UTRN: variants seen among roughly 807,000 people sequenced by gnomAD.
UTRN encodes the protein utrophin, also known as dystrophin-related protein 1.
In UTRN, 283 loss-of-function variants were observed where a neutral mutation model predicts 463.9. The observed-to-expected ratio is 0.61, with a 90% CI of 0.55 to 0.67. The LOEUF is 0.67. Ranked by LOEUF, UTRN falls within the 30% of genes least tolerant of loss-of-function variation. UTRN has a pLI of 0.00. For synonymous variants in UTRN, 1,442 were observed against 1,431.5 expected (o/e 1.01, Z -0.17); for missense variants, 3,922 against 4,084.3 (o/e 0.96, Z 1.08).
At chr6:144,476,648 G>A (rs1312116142) in intron 25 of UTRN, among the ~76,000 whole-genome samples, 1 of 152,158 alleles carries the variant, frequency 6.6e-6, no homozygotes, top group Admixed American at 6.5e-5. Flanking sequence ...GGGGAATGTG[G>A]GGTCCCAAAT....
chr6:144,319,903 G>T (rs1775525378), intron 2 of UTRN, among the ~76,000 whole-genome samples: 1 of 151,080 alleles, frequency 6.6e-6, no homozygotes, highest in South Asian at 2.1e-4. Context: ...ACCCAAGCTG[G>T]AGTGTAATGG....
At chr6:144,324,970 A>G (rs1263142416) in intron 2 of UTRN, among the ~76,000 whole-genome samples, 1 of 152,230 alleles carries the variant, frequency 6.6e-6, no homozygotes, top group Non-Finnish European at 1.5e-5. Flanking sequence ...ATCTTTAAAC[A>G]GCACACTTTG....
intron 51 of UTRN, among the ~76,000 whole-genome samples, chr6:144,632,669 A>G (rs894425264): frequency 6.6e-6 from 1 of 152,152 alleles, no homozygotes; most frequent in Non-Finnish European, 1.5e-5. Context: ...TTGTTTTCAC[A>G]AATGTTAGAA....
intron 57 of UTRN, among the ~76,000 whole-genome samples, chr6:144,755,123 C>T (rs1049372422): frequency 6.6e-6 from 1 of 152,002 alleles, no homozygotes; most frequent in African/African-American, 2.4e-5. Flanking sequence ...ATAAAGAAAT[C>T]AGTTTTATCT....
chr6:144,394,860 T>G (rs1427223526), intron 2 of UTRN, among the ~76,000 whole-genome samples: 1 of 152,154 alleles, frequency 6.6e-6, no homozygotes, highest in East Asian at 1.9e-4. Flanking sequence ...AAATATTATT[T>G]GAATAATTAG....
chr6:144,385,748 G>T (rs1180579245), intron 2 of UTRN, among the ~76,000 whole-genome samples: 1 of 147,610 alleles, frequency 6.8e-6, no homozygotes, highest in Non-Finnish European at 1.5e-5. Flanking sequence ...TTGCTCTTTC[G>T]CTCAGGCTTG....
At chr6:144,635,944 T>A (rs1777127378) in intron 51 of UTRN, among the ~76,000 whole-genome samples, 1 of 152,040 alleles carries the variant, frequency 6.6e-6, no homozygotes, top group African/African-American at 2.4e-5. Context: ...AAATTATTAT[T>A]TTTTTTAAAT....
chr6:144,621,277 A>G (rs1775348923), intron 51 of UTRN, among the ~76,000 whole-genome samples: 1 of 152,234 alleles, frequency 6.6e-6, no homozygotes, highest in African/African-American at 2.4e-5. Context: ...GAACCATTTT[A>G]GAGAACGATA....
chr6:144,706,834 A>C (rs1785148844), intron 53 of UTRN: 2 of 152,174 alleles, frequency 1.3e-5, no homozygotes, highest in Admixed American at 1.3e-4. Flanking sequence ...TCTCCACTAC[A>C]ATCCAGGTAA....
chr6:144,594,444 T>C (rs1585455629), intron 51 of UTRN, among the ~76,000 whole-genome samples: 1 of 152,344 alleles, frequency 6.6e-6, no homozygotes, highest in South Asian at 2.1e-4. Context: ...CCTTCTGAAT[T>C]GTAAACTCTT....
intron 51 of UTRN, among the ~76,000 whole-genome samples, chr6:144,582,470 A>G (rs1802056897): frequency 6.6e-6 from 1 of 152,064 alleles, no homozygotes; most frequent in African/African-American, 2.4e-5. Context: ...AAGTGTGTGT[A>G]TATATATACA....
chr6:144,517,736 G>C (rs547556788), intron 39 of UTRN, among the ~76,000 whole-genome samples: 1 of 152,002 alleles, frequency 6.6e-6, no homozygotes, highest in Non-Finnish European at 1.5e-5. Flanking sequence ...GTACAATAAC[G>C]TGCTGTAAAG....
chr6:144,739,492 T>C (rs1278790116), intron 54 of UTRN, among the ~76,000 whole-genome samples: 1 of 152,224 alleles, frequency 6.6e-6, no homozygotes, highest in Non-Finnish European at 1.5e-5. Flanking sequence ...GTAAAACTAA[T>C]GGGTGTTTTC....
At chr6:144,699,933 T>C (rs1053458476) in intron 52 of UTRN, among the ~76,000 whole-genome samples, 154 bp from the exon 53 acceptor site, 1 of 147,000 alleles carries the variant, frequency 6.8e-6, no homozygotes, top group Non-Finnish European at 1.5e-5. Context: ...TATAAATACA[T>C]ATATATATGT....
At chr6:144,323,935 A>T (rs1469193052) in intron 2 of UTRN, among the ~76,000 whole-genome samples, 1 of 152,198 alleles carries the variant, frequency 6.6e-6, no homozygotes, top group African/African-American at 2.4e-5. Context: ...TCAGAGGTGA[A>T]GTTCTTTCTG....
chr6:144,432,090 C>A (rs1785906621), intron 9 of UTRN, among the ~76,000 whole-genome samples: 1 of 152,138 alleles, frequency 6.6e-6, no homozygotes, highest in South Asian at 2.1e-4. Flanking sequence ...CACCCATTAA[C>A]TCGTCCTTTA....
chr6:144,671,388 T>TCC (rs1781012657), intron 51 of UTRN, among the ~76,000 whole-genome samples: 1 of 152,070 alleles, frequency 6.6e-6, no homozygotes, highest in African/African-American at 2.4e-5. Context: ...GTATTTTATT[T>TCC]TTTTTACAGC....
At chr6:144,780,592 T>C (rs1775737242) in intron 60 of UTRN, among the ~76,000 whole-genome samples, 1 of 152,256 alleles carries the variant, frequency 6.6e-6, no homozygotes, top group African/African-American at 2.4e-5. Flanking sequence ...GGTAGTTTGA[T>C]AATCTGCTTT....
In UTRN at chr6:144,493,461, G is replaced by T. The variant is rs745861326; in HGVS notation, c.4593+5G>T. On this transcript the variant is annotated splice_donor_5th_base_variant and intron_variant, in intron 33 of 74. Coordinates refer to ENST00000367545, the MANE Select transcript of UTRN (RefSeq NM_007124.3). ...TACAATGACCTGGGCGCACAGGTGA[G>T]GAGAGCAGCCCCACAGCTCATCTCT... 5 of 1,612,736 alleles carry T rather than the reference G, an allele frequency of 3.1e-6. No homozygotes were observed. In the Admixed American group the frequency reaches 8.3e-5, roughly 27 times the overall value.
Sources: gnomAD v4.1 joint callset for allele counts (sites outside exome capture counted in the v4.1 genomes callset) on GRCh38, gnomAD v4.1.1 for gene constraint, MANE v1.5 for transcripts, NCBI Gene and HGNC (gene_info 2026-07-23, HGNC 2026-07-21) for gene names.